C1R: variants seen among roughly 807,000 people sequenced by gnomAD.
C1R encodes complement C1r.
In C1R, 15 loss-of-function variants were observed where a neutral mutation model predicts 27.6. The ratio of observed to expected loss-of-function variants is 0.54; its 90% CI spans 0.36 to 0.84. The LOEUF (loss-of-function observed/expected upper bound fraction) is 0.84. C1R is among the 40% of genes least tolerant of loss of function. C1R has a pLI of 0.01. For missense variants in C1R, 544 were observed against 577.9 expected (o/e 0.94, Z 0.60); for synonymous variants, 253 against 228.8 (o/e 1.11, Z -0.95).
chr12:7,083,315 G>GTGGTAATGA (rs1938097873), intron 9 of C1R, among the ~76,000 whole-genome samples: 1 of 34,390 alleles, frequency 2.9e-5, no homozygotes, highest in Non-Finnish European at 5.9e-5. Context: ...GTTGGTAATG[G>GTGGTAATGA]TGATGGTGGT....
Position 7,091,867 on chromosome 12 carries a change from A to G in C1R, c.3-187T>C. 1.4e-6 allele frequency: 1 copy of G among 696,088 alleles called. No homozygotes were observed. Among genetic ancestry groups the G allele is most frequent in the East Asian group, 2.7e-5 (1 of 36,994 alleles). The allele number at this position is 696,088 out of a possible 1,614,324, so 43.1% of individuals were successfully genotyped here. On this transcript the variant is annotated intron_variant, in intron 1 of 10. Coordinates refer to ENST00000647956, the MANE Select transcript of C1R (RefSeq NM_001733.7). The surrounding 1 kb of genome is among the most constrained non-coding windows in gnomAD (Gnocchi z 5.1). ...GGAGGATGGCCTGTGCAGCTGCTGC[A>G]TCGGGTCACTCTCCAGGGCAGTGTC...
chr12:7,081,979 G>C, intron 10 of C1R, 53 bp downstream of exon 10: 1 of 1,471,406 alleles, frequency 6.8e-7, no homozygotes, highest in East Asian at 2.5e-5. Flanking sequence ...TGCTTTTGAG[G>C]CCCTGCAGGC....
At position 7,080,615 on chromosome 12, in the gene C1R, C is replaced by T. The variant is rs1938036876; in HGVS notation, c.2035G>A (p.Gly679Arg). 2.5e-6 allele frequency: 4 copies of T among 1,613,498 alleles called. No individual in the cohort carries two copies. Among genetic ancestry groups the T allele is most frequent in the Non-Finnish European group, 3.4e-6 (4 of 1,179,562 alleles). Residue 679 changes from glycine to arginine, a missense_variant, in exon 11 of 11, where the codon GGG becomes AGG. This residue lies in a region of C1R where 253 missense variants were observed against 368.9 expected (regional missense o/e 0.69). Coordinates refer to ENST00000647956, the MANE Select transcript of C1R (RefSeq NM_001733.7). This position sits in a 1 kb window ranked among gnomAD's most constrained non-coding sequence, Gnocchi z 4.9. ...VATGIVSWGI[G>R]CSRGYGFYTK... ...TAGAAGCCATAGCCCCTGCTGCACC[C>T]GATGCCCCAGGACACGATGCCCGTG...
At chr12:7,087,628 G>A (rs1302458353) in intron 7 of C1R, 1 of 154,370 alleles carries the variant, frequency 6.5e-6, no homozygotes, top group Non-Finnish European at 1.5e-5. Context: ...CTGGACCCAG[G>A]ACACCCACCC....
chr12:7,084,762 T>G (rs1215357652), intron 9 of C1R, among the ~76,000 whole-genome samples: 16 of 150,606 alleles, frequency 1.1e-4, no homozygotes, highest in Non-Finnish European at 2.2e-4. Context: ...ATGGTGATGG[T>G]GGTGATGGTA....
chr12:7,092,115 G>A (rs1421347009), intron 1 of C1R: 6 of 593,774 alleles, frequency 1.0e-5, no homozygotes, highest in Middle Eastern at 4.4e-4. Context: ...AGAGTGTCCC[G>A]TCCTGGGCAA....
chr12:7,087,976 A>G (rs979095346), intron 7 of C1R: 4 of 157,672 alleles, frequency 2.5e-5, no homozygotes, highest in Non-Finnish European at 4.2e-5. Context: ...AGATTGATCA[A>G]TGGATAAAAC....
chr12:7,088,348 CAG>C, intron 7 of C1R: 1 of 664,530 alleles, frequency 1.5e-6, no homozygotes, highest in Non-Finnish European at 2.7e-6. Context: ...TTTTCAGAGA[CAG>C]AGTCTTGCTA....
chr12:7,081,175 A>G lies in C1R; in HGVS notation c.1475T>C (p.Leu492Pro), dbSNP rs1938054490. ...NIHGRGGGALLGDRWILTAAH... is the reference protein window; with the variant it reads ...NIHGRGGGALPGDRWILTAAH... ...AGCTGTGAGGATCCAGCGGTCGCCC[A>G]GCAGGGCCCCGCCCCCGCGCCCGTG... Residue 492 changes from leucine to proline, a missense_variant, in exon 11 of 11, where the codon CTG becomes CCG. Physicochemically the swap from Leu to Pro is moderately conservative, Grantham distance 98 (BLOSUM62 -3). Around this residue, in one of 2 missense-constraint regions of C1R, gnomAD observed 253 missense variants for 368.9 expected, o/e 0.69. Transcript: ENST00000647956. 6.2e-7 allele frequency: 1 copy of G among 1,613,822 alleles called. No individual in the cohort carries two copies. Among genetic ancestry groups the G allele is most frequent in the Non-Finnish European group, 8.5e-7 (1 of 1,179,848 alleles).
At chr12:7,085,208 C>G (rs1189143157) in intron 9 of C1R, among the ~76,000 whole-genome samples, 13 of 76,180 alleles carry the variant, frequency 1.7e-4, no homozygotes, top group East Asian at 3.5e-4. Flanking sequence ...GTTGGTAATG[C>G]TGGTGGTGAT....
chr12:7,090,644 T>C (rs1240445344), intron 2 of C1R, among the ~76,000 whole-genome samples: 1 of 152,180 alleles, frequency 6.6e-6, no homozygotes, highest in Non-Finnish European at 1.5e-5. Flanking sequence ...GTCTTCAGAT[T>C]CCACCTCAGC....
chr12:7,083,040 C>T (rs1938090992), intron 9 of C1R, among the ~76,000 whole-genome samples: 1 of 152,108 alleles, frequency 6.6e-6, no homozygotes, highest in African/African-American at 2.4e-5. Context: ...ACCTATAATG[C>T]ATGTGATTTC....
intron 7 of C1R, among the ~76,000 whole-genome samples, chr12:7,088,112 A>T (rs1201418225): frequency 2.0e-5 from 3 of 152,186 alleles, no homozygotes; most frequent in Non-Finnish European, 4.4e-5. Context: ...TGCCGTACAC[A>T]ATCGCTACGT....
chr12:7,080,682 G>A lies in C1R; in HGVS notation c.1968C>T (p.Gly656=), dbSNP rs1012966945. 6 of 1,613,746 alleles carry A rather than the reference G, an allele frequency of 3.7e-6. No homozygotes were observed. Among genetic ancestry groups the A allele is most frequent in the Admixed American group, 3.3e-5 (2 of 59,990 alleles). ...TGTTCGGGTCCCTTACTGCAAAAAC[G>A]CCCCCACTATCCCCCTGGCAGGCGT... ...KQDACQGDSG[G]VFAVRDPNTD... is the part of the protein sequence containing the mutation. The change falls in exon 11 of 11, where the codon GGC becomes GGT. Residue 656 remains glycine, a synonymous_variant. Transcript: ENST00000647956. The surrounding 1 kb of genome is among the most constrained non-coding windows in gnomAD (Gnocchi z 4.9).
chr12:7,090,722 C>A (rs1938256434), intron 2 of C1R, among the ~76,000 whole-genome samples: 1 of 152,192 alleles, frequency 6.6e-6, no homozygotes, highest in Non-Finnish European at 1.5e-5. Flanking sequence ...CTGAAGCCCA[C>A]CCATCTCAGT....
Position 7,090,268 on chromosome 12 carries a change from G to C in C1R, c.232-20C>G. 1 of 718,516 alleles carries C rather than the reference G, an allele frequency of 1.4e-6. No individual in the cohort carries two copies. Among genetic ancestry groups the C allele is most frequent in the Non-Finnish European group, 2.6e-6 (1 of 384,592 alleles). The allele number at this position is 718,516 out of a possible 1,614,324, so 44.5% of individuals were successfully genotyped here. ...AGAGATCTGGTGGAAGAAGGACAGG[G>C]GGTAGGAAGAAGATCTGTTGCGGAG... On this transcript the variant is annotated intron_variant, in intron 2 of 10. Transcript: ENST00000647956.
chr12:7,083,134 T>G (rs1938092907), intron 9 of C1R, among the ~76,000 whole-genome samples: 1 of 152,170 alleles, frequency 6.6e-6, no homozygotes, highest in African/African-American at 2.4e-5. Flanking sequence ...ACAACTAGGT[T>G]GAGGGGGAGA....
chr12:7,082,183 G>A (rs1938076528), intron 9 of C1R, 77 bp from the exon 10 acceptor site: 1 of 805,478 alleles, frequency 1.2e-6, no homozygotes, highest in Non-Finnish European at 2.1e-6. Context: ...AGCAAGTACT[G>A]AGTGTGCTTG....
Position 7,091,560 on chromosome 12 carries a change from G to A in C1R, c.123C>T (p.Asn41=). 1 of 777,718 alleles carries A rather than the reference G, an allele frequency of 1.3e-6. No homozygotes were observed. Among genetic ancestry groups the A allele is most frequent in the South Asian group, 1.4e-5 (1 of 73,750 alleles). 48.2% of individuals were successfully genotyped at this position (777,718 alleles called of 1,614,324 possible). A position where few individuals can be genotyped will look rare whatever the true frequency, so the allele number is the denominator to read the frequency against. The change falls in exon 2 of 11, where the codon AAC becomes AAT. Residue 41 remains asparagine, a synonymous_variant. Coordinates refer to ENST00000647956, the MANE Select transcript of C1R (RefSeq NM_001733.7). This position sits in a 1 kb window ranked among gnomAD's most constrained non-coding sequence, Gnocchi z 5.1. ...SPLFPKPYPN[N]FETTTVITVP... ...CTGTGATCACAGTGGTTGTTTCAAAGTTGTTGGGGTAAGGCTTGGGGAACA... is the reference window on the plus strand; with the variant it reads ...CTGTGATCACAGTGGTTGTTTCAAAATTGTTGGGGTAAGGCTTGGGGAACA...
Sources: allele counts gnomAD v4.1 joint callset (sites outside exome capture counted in the v4.1 genomes callset), GRCh38; gene constraint gnomAD v4.1.1; regional missense constraint gnomAD v4.1.1; non-coding constraint Gnocchi (gnomAD v3.1); transcripts MANE v1.5; gene names NCBI Gene and HGNC (gene_info 2026-07-23, HGNC 2026-07-21).